FERMT1: variants seen among roughly 807,000 people sequenced by gnomAD.
The protein encoded by FERMT1 is FERM domain containing kindlin 1, also known as fermitin family homolog 1.
In FERMT1, 60 loss-of-function variants were observed where a neutral mutation model predicts 85.3. The observed-to-expected ratio is 0.70, with a 90% CI of 0.57 to 0.87. The LOEUF (loss-of-function observed/expected upper bound fraction) is 0.87, where lower values mean the gene tolerates loss of function less well. Ranked by LOEUF, FERMT1 falls within the 40% of genes least tolerant of loss-of-function variation. The probability of loss-of-function intolerance (pLI) is 0.00; values close to 1 mark genes in which losing one functional copy is unlikely to be tolerated. For missense variants in FERMT1, 701 were observed against 818.9 expected (o/e 0.86, Z 1.76); for synonymous variants, 275 against 301.1 (o/e 0.91, Z 0.90).
intron 5 of FERMT1, among the ~76,000 whole-genome samples, chr20:6,109,335 C>T (rs140613220): frequency 1.8e-4 from 27 of 152,204 alleles, no homozygotes; most frequent in African/African-American, 6.0e-4. Context: ...AGGGACTGAA[C>T]AGTTGGTAAA....
chr20:6,077,436 G>T, intron 14 of FERMT1, 90 bp from the exon 15 acceptor site: 5 of 1,293,546 alleles, frequency 3.9e-6, no homozygotes, highest in Non-Finnish European at 5.5e-6. Context: ...GGAGCTGAGG[G>T]CTGCTGAGGT....
chr20:6,113,653 C>T (rs375188651), intron 3 of FERMT1, among the ~76,000 whole-genome samples: 5 of 152,102 alleles, frequency 3.3e-5, no homozygotes, highest in African/African-American at 7.2e-5. Flanking sequence ...CCACATATTC[C>T]GGGAATTAAT....
intron 2 of FERMT1, among the ~76,000 whole-genome samples, chr20:6,118,642 A>G (rs1051386062): frequency 2.6e-5 from 4 of 152,364 alleles, no homozygotes; most frequent in Admixed American, 2.0e-4. Context: ...CAAAGAAAAT[A>G]GAATGTTATT....
intron 1 of FERMT1, among the ~76,000 whole-genome samples, chr20:6,122,383 G>T (rs1300224237): frequency 2.6e-5 from 4 of 152,214 alleles, no homozygotes; most frequent in Admixed American, 2.6e-4. Context: ...AGAAACGAAA[G>T]CATGGAGGGA....
chr20:6,108,435 G>T (rs1982855744), intron 5 of FERMT1, among the ~76,000 whole-genome samples: 1 of 152,162 alleles, frequency 6.6e-6, no homozygotes, highest in South Asian at 2.1e-4. Context: ...GTAATCCAAT[G>T]AAGGGGCCAG....
chr20:6,094,929 GT>G lies in FERMT1; in HGVS notation c.1139+9del. On this transcript the variant is annotated intron_variant, in intron 9 of 14. Transcript: ENST00000217289. Reference sequence around the variant, plus strand: ...TGAGTAACTCCTTTTCCCCATAAAAGTTTACTTACCTAAATAATTTGAGATT... The same window carrying G: ...TGAGTAACTCCTTTTCCCCATAAAAGTTACTTACCTAAATAATTTGAGATT... The G allele has an allele frequency of 7.0e-7, 1 of 1,430,916 alleles. No individual in the cohort carries two copies. The highest frequency in any genetic ancestry group is 9.9e-7 in the Non-Finnish European group (1 of 1,013,180). 88.6% of individuals were successfully genotyped at this position (1,430,916 alleles called of 1,614,324 possible).
chr20:6,116,100 C>T lies in FERMT1; in HGVS notation c.152-56G>A, dbSNP rs2208077. On this transcript the variant is annotated intron_variant, in intron 2 of 14. Transcript: ENST00000217289. ...TGAGAGAGGGCCCAGCTTGGAGGGT[C>T]CTGGAGCTGCAGAGTCAATTTCATT... The T allele has an allele frequency of 1.2e-4, 144 of 1,218,804 alleles. 2 individuals are homozygous for T. In the African/African-American group the frequency reaches 1.6e-3, roughly 14 times the overall value. 75.5% of individuals were successfully genotyped at this position (1,218,804 alleles called of 1,614,324 possible). A position where few individuals can be genotyped will look rare whatever the true frequency, so the allele number is the denominator to read the frequency against.
rs1263849217 is a variant in FERMT1, at chr20:6,077,569, T to TA, written c.1861-224dup. 3.2e-4 allele frequency among the ~76,000 whole-genome samples: 48 copies of TA among 152,188 alleles called. 1 individual carries two copies. Among genetic ancestry groups the TA allele is most frequent in the Admixed American group, 3.0e-3 (46 of 15,282 alleles). On this transcript the variant is annotated intron_variant, in intron 14 of 14. Transcript: ENST00000217289. ...GTGTCGACTTTGCTGCACGTCTGGT[T>TA]AAAAAAACTCCCAACACATTTTCTG...
Position 6,110,478 on chromosome 20 carries a change from G to A in FERMT1, c.566C>T (p.Pro189Leu). Residue 189 changes from proline (P) to leucine (L), a missense_variant, in exon 5 of 15, where the codon CCT becomes CTT. Coordinates refer to ENST00000217289, the MANE Select transcript of FERMT1 (RefSeq NM_017671.5). ...SPGLYSKTMT[P>L]IYDPINGTPA... ...TGTTCCATTGATGGGGTCATATATAGGGGTCATGGTTTTACTGTATAAACC... is the reference window on the plus strand; with the variant it reads ...TGTTCCATTGATGGGGTCATATATAAGGGTCATGGTTTTACTGTATAAACC... 1 of 1,614,124 alleles carries A rather than the reference G, an allele frequency of 6.2e-7. No homozygotes were observed. Among genetic ancestry groups the A allele is most frequent in the Non-Finnish European group, 8.5e-7 (1 of 1,180,022 alleles).
chr20:6,118,250 A>T (rs1458976167), intron 2 of FERMT1, among the ~76,000 whole-genome samples: 1 of 152,274 alleles, frequency 6.6e-6, no homozygotes, highest in African/African-American at 2.4e-5. Flanking sequence ...TAAATCTCAC[A>T]GATATAATGT....
chr20:6,082,339 T>A (rs1230441740), intron 13 of FERMT1, among the ~76,000 whole-genome samples: 1 of 152,074 alleles, frequency 6.6e-6, no homozygotes, highest in Non-Finnish European at 1.5e-5. Context: ...ATGGAGAAGC[T>A]GCGCTTGGGG....
chr20:6,085,224 C>G lies in FERMT1; in HGVS notation c.1435G>C (p.Asp479His). The G allele has an allele frequency of 2.5e-6, 4 of 1,614,180 alleles. No individual in the cohort carries two copies. Among genetic ancestry groups the G allele is most frequent in the Non-Finnish European group, 3.4e-6 (4 of 1,180,048 alleles). ...MLASKGKTMA[D>H]SSYQPEVLNI... is the part of the protein sequence containing the mutation. ...AGGACCTCTGGCTGGTAGGAGCTGTCTGCCATGGTTTTGCCCTTCGATGCC... is the reference window on the plus strand; with the variant it reads ...AGGACCTCTGGCTGGTAGGAGCTGTGTGCCATGGTTTTGCCCTTCGATGCC... Residue 479 changes from aspartate (D) to histidine (H), a missense_variant, in exon 12 of 15, where the codon GAC (aspartate) becomes CAC (histidine). By Grantham distance (81) the Asp-to-His change is moderately conservative. Coordinates refer to ENST00000217289, the MANE Select transcript of FERMT1 (RefSeq NM_017671.5).
rs1296374189 is a variant in FERMT1 at position 6,110,292 on chromosome 20, C to T, written c.746+6G>A. The T allele has an allele frequency of 1.9e-6, 3 of 1,609,544 alleles. No homozygotes were observed. In the South Asian group the frequency reaches 3.3e-5, roughly 18 times the overall value. On this transcript the variant is annotated splice_donor_region_variant and intron_variant, in intron 5 of 14. Transcript: ENST00000217289. ...CAGAGAGAAGTAAAAGGAGCCGTGT[C>T]CTTACCCTGCATTGAGCTTGGCTTT...
At chr20:6,090,112 G>A (rs1184459531) in intron 9 of FERMT1, among the ~76,000 whole-genome samples, 1 of 151,998 alleles carries the variant, frequency 6.6e-6, no homozygotes, top group Non-Finnish European at 1.5e-5. Context: ...GTCTCGCTCT[G>A]TTGCCAGGCT....
In FERMT1 at chr20:6,077,275, G is replaced by A. The variant is rs763281287; in HGVS notation, c.1932C>T (p.His644=). ...AGAAAATGTAGCCGCCAATGTACTC[G>A]TGCACAATCTTGCAATCTGCACTCA... ...TCLSADCKIV[H]EYIGGYIFLS... Residue 644 remains histidine, a synonymous_variant, in exon 15 of 15, where the codon CAC becomes CAT. Transcript: ENST00000217289. 9 of 1,614,168 alleles carry A rather than the reference G, an allele frequency of 5.6e-6. No individual in the cohort carries two copies. Among genetic ancestry groups the A allele is most frequent in the South Asian group, 2.2e-5 (2 of 91,082 alleles).
intron 10 of FERMT1, among the ~76,000 whole-genome samples, chr20:6,088,155 A>G (rs1982237880): frequency 6.6e-6 from 1 of 152,228 alleles, no homozygotes; most frequent in Non-Finnish European, 1.5e-5. Context: ...CTCCAAACTC[A>G]TAGAAAAAAT....
rs1981827543 is a variant in FERMT1, at chr20:6,076,557, G to A, written c.*616C>T. 1 of 469,604 alleles carries A rather than the reference G, an allele frequency of 2.1e-6. No individual in the cohort carries two copies. Among genetic ancestry groups the A allele is most frequent in the African/African-American group, 2.0e-5 (1 of 50,754 alleles). 29.1% of individuals were successfully genotyped at this position (469,604 alleles called of 1,614,324 possible). ...AGTGGTCATCTTGGCAGGTATCACT[G>A]TGGACAGATGACACTGAGGGCCACT... On this transcript the variant is annotated 3_prime_UTR_variant, in exon 15 of 15. Coordinates refer to ENST00000217289, the MANE Select transcript of FERMT1 (RefSeq NM_017671.5).
intron 3 of FERMT1, among the ~76,000 whole-genome samples, chr20:6,114,688 T>C (rs973127008): frequency 6.6e-6 from 1 of 152,220 alleles, no homozygotes. Context: ...AGTTATTGTA[T>C]GCTAGGCATT....
chr20:6,079,747 G>C (rs1354965243), intron 13 of FERMT1, among the ~76,000 whole-genome samples, 170 bp from the exon 14 acceptor site: 1 of 152,178 alleles, frequency 6.6e-6, no homozygotes. Flanking sequence ...GATATAGACA[G>C]CGTGAAAAAA....
Sources: allele counts gnomAD v4.1 joint callset (sites outside exome capture counted in the v4.1 genomes callset), GRCh38; gene constraint gnomAD v4.1.1; transcripts MANE v1.5; gene names NCBI Gene and HGNC (gene_info 2026-07-23, HGNC 2026-07-21).